FRMD3: variants seen among roughly 807,000 people sequenced by gnomAD.
FRMD3 encodes FERM domain containing 3.
A neutral mutation model predicts 70.2 loss-of-function variants in FRMD3; 33 were observed. That is an observed-to-expected ratio of 0.47 (90% CI 0.36 to 0.63). FRMD3 has a LOEUF of 0.63. Among genes scored for constraint, FRMD3 ranks in the 20% least tolerant of loss-of-function variants. The pLI is 0.00. For synonymous variants in FRMD3, 279 were observed against 255.9 expected, an observed-to-expected ratio of 1.09 and a Z score of -0.86; for missense variants, 632 against 711.4, an observed-to-expected ratio of 0.89 and a Z score of 1.27.
At chr9:83,310,391 T>A in intron 9 of FRMD3, 94 bp downstream of exon 9, 1 of 975,452 alleles carries the variant, frequency 1.0e-6, no homozygotes, top group Non-Finnish European at 1.6e-6. Flanking sequence ...AAAGTCATGG[T>A]CTTTGGCGAC....
intron 1 of FRMD3, among the ~76,000 whole-genome samples, chr9:83,489,656 G>A (rs906317628): frequency 1.2e-4 from 19 of 152,198 alleles, no homozygotes; most frequent in African/African-American, 4.3e-4. Flanking sequence ...TACACTGCTG[G>A]TGGGAATCCA....
the FRMD3 span, among the ~76,000 whole-genome samples, chr9:83,576,916 C>T: frequency 6.6e-6 from 1 of 152,002 alleles, no homozygotes; most frequent in Non-Finnish European, 1.5e-5. Context: ...GCTTAATATA[C>T]AAAATATGCA....
intron 1 of FRMD3, among the ~76,000 whole-genome samples, chr9:83,410,519 TACC>T (rs938773305): frequency 6.6e-5 from 10 of 152,220 alleles, no homozygotes; most frequent in Non-Finnish European, 1.0e-4. Context: ...TGTGTATAGG[TACC>T]ACATTTTCTT....
intron 1 of FRMD3, among the ~76,000 whole-genome samples, chr9:83,396,724 T>G (rs1825820619): frequency 6.6e-6 from 1 of 152,240 alleles, no homozygotes; most frequent in Non-Finnish European, 1.5e-5. Context: ...AGCCGAAATA[T>G]TCACAGAGAA....
chr9:83,326,010 T>A (rs947508634), intron 6 of FRMD3, among the ~76,000 whole-genome samples: 1 of 152,224 alleles, frequency 6.6e-6, no homozygotes, highest in East Asian at 1.9e-4. Context: ...CAATGAAGAC[T>A]GTATGTTCTA....
At chr9:83,467,481 A>G in intron 1 of FRMD3, 1 of 694,388 alleles carries the variant, frequency 1.4e-6, no homozygotes, top group South Asian at 1.6e-5. Context: ...TACAAAAGAG[A>G]CCCTCCCGAA....
At chr9:83,541,455 G>T (rs912133951), upstream of FRMD3, among the ~76,000 whole-genome samples, 1 of 152,208 alleles carries the variant, frequency 6.6e-6, no homozygotes, top group African/African-American at 2.4e-5. Context: ...TGGAAATATT[G>T]CAGTGTATTT....
intron 10 of FRMD3, among the ~76,000 whole-genome samples, chr9:83,302,993 G>A (rs185199053): frequency 5.3e-5 from 8 of 152,172 alleles, no homozygotes; most frequent in African/African-American, 1.4e-4. Flanking sequence ...AATCCAGATC[G>A]TCTCTGCAGG....
intron 7 of FRMD3, among the ~76,000 whole-genome samples, chr9:83,312,711 A>G (rs11787795): frequency 0.23 from 35,163 of 151,950 alleles, 4,525 homozygotes; most frequent in East Asian, 0.41. Flanking sequence ...CACATTGGAA[A>G]CACCTGGGTA....
intron 1 of FRMD3, among the ~76,000 whole-genome samples, chr9:83,484,323 T>A (rs1276079554): frequency 6.6e-6 from 1 of 152,200 alleles, no homozygotes; most frequent in African/African-American, 2.4e-5. Flanking sequence ...AGTTATCAAA[T>A]TCCCCCATTA....
In FRMD3 at chr9:83,405,607, C is replaced by CAA. The variant is rs34523655; in HGVS notation, c.148-15901_148-15900dup. ...AGAAACCCCATCTCCACTAAAAATG[C>CAA]AAAAAAAAAAAAATTAGCCGGGCAT... On this transcript the variant is annotated intron_variant, in intron 1 of 13. Transcript: ENST00000304195. Among the ~76,000 whole-genome samples, 633 of 141,822 alleles carry CAA rather than the reference C, an allele frequency of 4.5e-3. 3 individuals carry two copies. The highest frequency in any genetic ancestry group is 0.013 in the African/African-American group (517 of 38,750). The allele number at this position is 141,822 out of a possible 152,430, so 93.0% of individuals were successfully genotyped here. A position where few individuals can be genotyped will look rare whatever the true frequency, so the allele number is the denominator to read the frequency against.
At chr9:83,565,578 T>C in the FRMD3 span, among the ~76,000 whole-genome samples, 3 of 152,222 alleles carry the variant, frequency 2.0e-5, no homozygotes, top group Non-Finnish European at 4.4e-5. Context: ...GAGACACATT[T>C]ACACCTGCAA....
chr9:83,578,348 A>T, the FRMD3 span, among the ~76,000 whole-genome samples: 5 of 152,028 alleles, frequency 3.3e-5, no homozygotes, highest in African/African-American at 1.2e-4. Context: ...CATTACCCAG[A>T]TACCAACGTC....
At chr9:83,256,303 G>A (rs188118992) in intron 13 of FRMD3, among the ~76,000 whole-genome samples, 1 of 152,114 alleles carries the variant, frequency 6.6e-6, no homozygotes, top group East Asian at 1.9e-4. Flanking sequence ...GGTGCTGGAA[G>A]TGCTGGCTAG....
chr9:83,321,327 T>C (rs1255347583), intron 6 of FRMD3, among the ~76,000 whole-genome samples: 5 of 152,194 alleles, frequency 3.3e-5, no homozygotes, highest in Non-Finnish European at 7.3e-5. Context: ...TGCTATAAAT[T>C]TCCCTCTTAG....
At chr9:83,501,661 G>A (rs1829071710) in intron 1 of FRMD3, among the ~76,000 whole-genome samples, 1 of 152,152 alleles carries the variant, frequency 6.6e-6, no homozygotes, top group Non-Finnish European at 1.5e-5. Flanking sequence ...TACAACGAAT[G>A]CACACCATGA....
rs1832108328 is a variant in FRMD3, at chr9:83,246,556, C to G, written c.*1362G>C. On this transcript the variant is annotated 3_prime_UTR_variant, in exon 14 of 14. Coordinates refer to ENST00000304195, the MANE Select transcript of FRMD3 (RefSeq NM_174938.6). ...GCCTCTCCAGTTTCTCTATGGAAGT[C>G]AAATTTTAAAACAACTGGGAAAGGA... 1 of 984,784 alleles carries G rather than the reference C, an allele frequency of 1.0e-6. No homozygotes were observed. Among genetic ancestry groups the G allele is most frequent in the Admixed American group, 6.2e-5 (1 of 16,202 alleles). The allele number at this position is 984,784 out of a possible 1,614,324, so 61.0% of individuals were successfully genotyped here.
intron 2 of FRMD3, among the ~76,000 whole-genome samples, chr9:83,383,462 T>C (rs147253651): frequency 3.9e-4 from 60 of 152,352 alleles, no homozygotes; most frequent in African/African-American, 1.3e-3. Context: ...ACTGTTTTTA[T>C]TTCTCCAAGT....
In FRMD3 at chr9:83,537,926, GC is replaced by G. The variant is rs1171261330; in HGVS notation, c.147+158del. Among the ~76,000 whole-genome samples the G allele has an allele frequency of 1.2e-4, 18 of 152,066 alleles. 1 individual carries two copies. ...CCATGCCCCTCCATGCCAGGATAAG[GC>G]CCCCCACCCTCAGAGGCCTGAGGAA... On this transcript the variant is annotated intron_variant, in intron 1 of 13. Transcript: ENST00000304195. This position sits in a 1 kb window ranked among gnomAD's most constrained non-coding sequence, Gnocchi z 4.1.
Sources: gnomAD v4.1 joint callset for allele counts (sites outside exome capture counted in the v4.1 genomes callset) on GRCh38, gnomAD v4.1.1 for gene constraint, Gnocchi (gnomAD v3.1) non-coding constraint, MANE v1.5 for transcripts, NCBI Gene and HGNC (gene_info 2026-07-23, HGNC 2026-07-21) for gene names.